Variants in ASAP2 observed in about 807,000 individuals in gnomAD.
The protein encoded by ASAP2 is arf-GAP with SH3 domain, ANK repeat and PH domain-containing protein 2.
A neutral mutation model predicts 131.4 loss-of-function variants in ASAP2; 45 were observed. The ratio of observed to expected loss-of-function variants is 0.34; its 90% CI spans 0.27 to 0.44. The LOEUF is 0.44. ASAP2 is among the 20% of genes least tolerant of loss of function. The pLI, the probability that ASAP2 is intolerant of heterozygous loss-of-function variation, is 1.00. For synonymous variants in ASAP2, 510 were observed against 503.0 expected (o/e 1.01, Z -0.19); for missense variants, 1,011 against 1,297.0 (o/e 0.78, Z 3.39).
intron 1 of ASAP2, among the ~76,000 whole-genome samples, chr2:9,216,668 G>A (rs1046793782): frequency 1.3e-5 from 2 of 151,614 alleles, no homozygotes; most frequent in African/African-American, 4.8e-5. Context: ...GCCATGTTGG[G>A]CAGGCTGGTC....
intron 1 of ASAP2, among the ~76,000 whole-genome samples, chr2:9,247,416 T>A (rs1453930283): frequency 6.6e-6 from 1 of 152,234 alleles, no homozygotes; most frequent in African/African-American, 2.4e-5. Flanking sequence ...GCAATTTGCC[T>A]GCCTAATAGG....
chr2:9,230,978 T>C (rs1663117825), intron 1 of ASAP2, among the ~76,000 whole-genome samples: 1 of 152,168 alleles, frequency 6.6e-6, no homozygotes, highest in African/African-American at 2.4e-5. Context: ...TCCAGCTTCT[T>C]GCTTCCTGGC....
intron 5 of ASAP2, among the ~76,000 whole-genome samples, chr2:9,320,568 A>T (rs754476594): frequency 1.3e-5 from 2 of 152,108 alleles, no homozygotes; most frequent in African/African-American, 4.8e-5. Context: ...TGGTTATAGG[A>T]TGTTATTTTC....
chr2:9,401,330 C>G lies in ASAP2; in HGVS notation c.2880C>G (p.Pro960=). The G allele has an allele frequency of 2.5e-6, 4 of 1,613,596 alleles. No individual in the cohort carries two copies. In the South Asian group the frequency reaches 4.4e-5, roughly 18 times the overall value. ...TCTATAACTGTGTGGCTGACAACCCCGATGAGCTCACCTTCTCCGAGGGGG... is the reference window on the plus strand; with the variant it reads ...TCTATAACTGTGTGGCTGACAACCCGGATGAGCTCACCTTCTCCGAGGGGG... ...KALYNCVADN[P]DELTFSEGDV... The change falls in exon 27 of 28, where the codon CCC becomes CCG. Residue 960 remains proline, a synonymous_variant. Coordinates refer to ENST00000281419, the MANE Select transcript of ASAP2 (RefSeq NM_003887.3).
intron 2 of ASAP2, among the ~76,000 whole-genome samples, chr2:9,294,565 T>C (rs755386945): frequency 3.9e-5 from 6 of 152,280 alleles, no homozygotes; most frequent in Non-Finnish European, 7.4e-5. Flanking sequence ...TGCACTTGAT[T>C]CAGAAGAAAA....
intron 7 of ASAP2, among the ~76,000 whole-genome samples, chr2:9,334,016 C>T (rs1420066821): frequency 1.4e-5 from 2 of 146,244 alleles, no homozygotes; most frequent in Non-Finnish European, 3.0e-5. Context: ...TTATTTCTCT[C>T]TCTCTCTGTC....
chr2:9,208,478 A>C (rs1248139740), intron 1 of ASAP2, among the ~76,000 whole-genome samples: 51 of 151,576 alleles, frequency 3.4e-4, no homozygotes, highest in Admixed American at 2.8e-3. Flanking sequence ...AAAAATCCAG[A>C]ATGTTTTCCC....
chr2:9,214,331 G>A (rs945629487), intron 1 of ASAP2, among the ~76,000 whole-genome samples: 2 of 152,074 alleles, frequency 1.3e-5, no homozygotes, highest in East Asian at 1.9e-4. Flanking sequence ...TCTGCCTCTC[G>A]AGTTCAAGGG....
In ASAP2 at chr2:9,403,110, A is replaced by T. The variant is rs113037728; in HGVS notation, c.2947-143A>T. 3,629 of 664,250 alleles carry T rather than the reference A, an allele frequency of 5.5e-3. 84 individuals carry two copies. In the African/African-American group the frequency reaches 0.058, roughly 11 times the overall value. 41.1% of individuals were successfully genotyped at this position (664,250 alleles called of 1,614,324 possible). A position where few individuals can be genotyped will look rare whatever the true frequency, so the allele number is the denominator to read the frequency against. On this transcript the variant is annotated intron_variant, in intron 27 of 27. Coordinates refer to ENST00000281419, the MANE Select transcript of ASAP2 (RefSeq NM_003887.3). ...GGAAAAACGGACAAAAATCATTTGG[A>T]TGTTTTACCTAAGTAATTCCTTGTC...
chr2:9,358,269 A>G (rs57325322), intron 14 of ASAP2, among the ~76,000 whole-genome samples: 14,343 of 152,302 alleles, frequency 0.094, 1,850 homozygotes, highest in African/African-American at 0.29. Flanking sequence ...TACTACCAGC[A>G]TGCTGAACAC....
chr2:9,284,009 A>C (rs1301228374), intron 2 of ASAP2, among the ~76,000 whole-genome samples: 2 of 151,744 alleles, frequency 1.3e-5, no homozygotes, highest in African/African-American at 2.4e-5. Context: ...GCAAACACTG[A>C]CTCTTCTGCC....
intron 16 of ASAP2, among the ~76,000 whole-genome samples, chr2:9,368,758 A>G (rs1198542346): frequency 6.6e-6 from 1 of 152,062 alleles, no homozygotes; most frequent in Non-Finnish European, 1.5e-5. Context: ...TGCAGCGGGT[A>G]TGTAGAGAGC....
intron 2 of ASAP2, among the ~76,000 whole-genome samples, chr2:9,294,302 A>C (rs1299747871): frequency 3.3e-5 from 5 of 152,032 alleles, no homozygotes; most frequent in Non-Finnish European, 5.9e-5. Flanking sequence ...TCCGGCCACT[A>C]ATTTTTTTAA....
rs74425041 is a variant in ASAP2 at position 9,327,388 on chromosome 2, C to A, written c.601-438C>A. On this transcript the variant is annotated intron_variant, in intron 6 of 27. Coordinates refer to ENST00000281419, the MANE Select transcript of ASAP2 (RefSeq NM_003887.3). The stretch of plus-strand genomic sequence containing the variant: ...TTTTTTCCAACAATCACATTATTTT[C>A]CTTGTAAGGGAAATGTCTCAGGACG... 9.7e-3 allele frequency among the ~76,000 whole-genome samples: 1,483 copies of A among 152,152 alleles called. 29 individuals are homozygous for A. The highest frequency in any genetic ancestry group is 0.034 in the African/African-American group (1,409 of 41,498).
chr2:9,381,131 G>A (rs1415598974), intron 20 of ASAP2, among the ~76,000 whole-genome samples: 3 of 152,220 alleles, frequency 2.0e-5, no homozygotes, highest in Non-Finnish European at 4.4e-5. Flanking sequence ...TCTGGCCTCC[G>A]TAAGCTGTTT....
chr2:9,241,099 TG>T (rs1165855516), intron 1 of ASAP2, among the ~76,000 whole-genome samples: 1 of 152,244 alleles, frequency 6.6e-6, no homozygotes, highest in Admixed American at 6.5e-5. Flanking sequence ...CTGTGGTTAG[TG>T]GAAACTGTGG....
intron 24 of ASAP2, among the ~76,000 whole-genome samples, chr2:9,397,748 ATATTTTTT>A (rs1427990334): frequency 2.1e-3 from 139 of 65,674 alleles, no homozygotes; most frequent in African/African-American, 0.015. Flanking sequence ...ATATATATAT[ATATTTTTT>A]TTTTTTTTTT....
In ASAP2 at chr2:9,391,133, C is replaced by T. The variant is rs1675686702; in HGVS notation, c.2455C>T (p.Arg819Ter). The change falls in exon 23 of 28, where the codon CGA (arginine) becomes TGA (stop). Residue 819 changes from arginine (R) to a stop codon, truncating the protein, a stop_gained. Coordinates refer to ENST00000281419, the MANE Select transcript of ASAP2 (RefSeq NM_003887.3). LOFTEE classifies it high-confidence loss of function. The part of the protein sequence containing the change: ...SVSVDGGSRQ[R>*]SSSDPPAVHP... ...AAGTGTGGACGGTGGAAGCCGGCAG[C>T]GATCTTCGTCAGATCCGCCAGCTGT... The T allele has an allele frequency of 6.2e-7, 1 of 1,613,904 alleles. No individual in the cohort carries two copies. The highest frequency in any genetic ancestry group is 8.5e-7 in the Non-Finnish European group (1 of 1,180,000).
chr2:9,381,923 G>GT (rs1674877689), intron 20 of ASAP2, among the ~76,000 whole-genome samples: 1 of 150,704 alleles, frequency 6.6e-6, no homozygotes, highest in African/African-American at 2.4e-5. Context: ...CTATACAAGT[G>GT]TAAGATAAGT....
Sources: gnomAD v4.1 joint callset for allele counts (sites outside exome capture counted in the v4.1 genomes callset) on GRCh38, gnomAD v4.1.1 for gene constraint, MANE v1.5 for transcripts, NCBI Gene and HGNC (gene_info 2026-07-23, HGNC 2026-07-21) for gene names.